CLBA1: variants seen among roughly 807,000 people sequenced by gnomAD.
CLBA1 encodes clathrin binding box of aftiphilin containing 1.
CLBA1 carries 30 observed loss-of-function variants against 28.8 expected under a neutral mutation model. The ratio of observed to expected loss-of-function variants is 1.04; its 90% CI spans 0.78 to 1.41. The LOEUF (loss-of-function observed/expected upper bound fraction) is 1.41. CLBA1 is among the 40% of genes most tolerant of loss of function. The pLI, the probability that CLBA1 is intolerant of heterozygous loss-of-function variation, is 0.00. For synonymous variants in CLBA1, 160 were observed against 152.8 expected (o/e 1.05, Z -0.35); for missense variants, 451 against 412.3 (o/e 1.09, Z -0.81).
downstream of CLBA1, chr14:104,995,531 G>A (rs1023305746): frequency 3.1e-6 from 3 of 983,198 alleles, no homozygotes; most frequent in African/African-American, 3.5e-5. Context: ...GTTGTCACTG[G>A]TTCATCAGCT....
At chr14:104,988,152 G>T (rs917801688) in intron 1 of CLBA1, among the ~76,000 whole-genome samples, 1 of 152,052 alleles carries the variant, frequency 6.6e-6, no homozygotes, top group Admixed American at 6.5e-5. Context: ...GAATACATGA[G>T]ACTCGCACAC....
intron 4 of CLBA1, chr14:104,993,674 G>A: frequency 1.0e-6 from 1 of 985,464 alleles, no homozygotes; most frequent in Non-Finnish European, 1.2e-6. Flanking sequence ...GCTGGAGTCT[G>A]GAGCCCACCC....
In CLBA1 at chr14:104,994,755, G is replaced by A. The variant is rs1416639282; in HGVS notation, c.974G>A (p.Cys325Tyr). 6.3e-7 allele frequency: 1 copy of A among 1,597,416 alleles called. No individual in the cohort carries two copies. ...LKLTLFNSDV[C>Y] ...CTGACACTCTTTAATAGCGACGTTT[G>A]CTAAAATCAGGAGGACTTTGTACCT... The change falls in exon 5 of 5, where the codon TGC becomes TAC. Residue 325 changes from cysteine to tyrosine, a missense_variant. Transcript: ENST00000547315.
At chr14:104,989,560 G>C in intron 2 of CLBA1, 1 of 455,572 alleles carries the variant, frequency 2.2e-6, no homozygotes, top group South Asian at 1.5e-5. Flanking sequence ...GGTGCTCCCG[G>C]TGCTGCCTGC....
chr14:104,989,930 G>A, intron 2 of CLBA1: 2 of 337,906 alleles, frequency 5.9e-6, no homozygotes, highest in Non-Finnish European at 6.0e-6. Flanking sequence ...CTCTGCTGGG[G>A]TCCAACCAGC....
rs149385498 is a variant in CLBA1 at position 104,995,167 on chromosome 14, C to T, written c.*408C>T. 139 of 989,358 alleles carry T rather than the reference C, an allele frequency of 1.4e-4. No individual in the cohort carries two copies. In the African/African-American group the frequency reaches 1.7e-3, roughly 12 times the overall value. 61.3% of individuals were successfully genotyped at this position (989,358 alleles called of 1,614,324 possible). A position where few individuals can be genotyped will look rare whatever the true frequency, so the allele number is the denominator to read the frequency against. On this transcript the variant is annotated 3_prime_UTR_variant, in exon 5 of 5. Coordinates refer to ENST00000547315, the MANE Select transcript of CLBA1 (RefSeq NM_174891.4). Reference sequence around the variant, plus strand: ...AGAGGAAAAGGGGAAGGCACTGAAACGTCACCAGAGAGACAGCTGTTGAGA... The same window carrying T: ...AGAGGAAAAGGGGAAGGCACTGAAATGTCACCAGAGAGACAGCTGTTGAGA...
intron 2 of CLBA1, 173 bp from the exon 3 acceptor site, chr14:104,991,318 C>A: frequency 1.5e-6 from 1 of 656,500 alleles, no homozygotes; most frequent in Non-Finnish European, 2.4e-6. Flanking sequence ...GCCACTGTGC[C>A]CAGCCCGGGA....
Position 104,994,916 on chromosome 14 carries a change from C to T in CLBA1, c.*157C>T, listed in dbSNP as rs1210549455. 4.4e-6 allele frequency: 6 copies of T among 1,368,506 alleles called. No homozygotes were observed. The highest frequency in any genetic ancestry group is 3.0e-5 in the African/African-American group (2 of 66,912). 84.8% of individuals were successfully genotyped at this position (1,368,506 alleles called of 1,614,324 possible). On this transcript the variant is annotated 3_prime_UTR_variant, in exon 5 of 5. Transcript: ENST00000547315. ...CCTGTCCTGTGTTCTGGGCTTGTCT[C>T]GGGTCTGACCAGGAGATGGAGGATG...
rs780589575 is a variant in CLBA1 at position 104,989,612 on chromosome 14, C to T, written c.569+524C>T. ...AGGGGAAAGTGCACCCGCAGTCACTCGCAGATGGCCATTTTCCAGGGACAC... is the reference window on the plus strand; with the variant it reads ...AGGGGAAAGTGCACCCGCAGTCACTTGCAGATGGCCATTTTCCAGGGACAC... On this transcript the variant is annotated intron_variant, in intron 2 of 4. Transcript: ENST00000547315. 4.7e-4 allele frequency: 213 copies of T among 456,004 alleles called. 1 individual carries two copies. The highest frequency in any genetic ancestry group is 6.5e-4 in the South Asian group (42 of 64,564). The allele number at this position is 456,004 out of a possible 1,614,324, so 28.2% of individuals were successfully genotyped here.
chr14:104,991,651 G>T, intron 3 of CLBA1, 31 bp downstream of exon 3: 1 of 1,582,428 alleles, frequency 6.3e-7, no homozygotes, highest in Non-Finnish European at 8.6e-7. Flanking sequence ...CAGGGCTCCT[G>T]GGAGTGTGGT....
At chr14:104,993,640 CA>C (rs1900097715) in intron 4 of CLBA1, 2 of 985,304 alleles carry the variant, frequency 2.0e-6, no homozygotes, top group Non-Finnish European at 2.4e-6. Flanking sequence ...TCTCTTTTAT[CA>C]GGGGGAAGAA....
At chr14:104,991,400 C>T (rs1468458031) in intron 2 of CLBA1, 91 bp from the exon 3 acceptor site, 1 of 1,523,416 alleles carries the variant, frequency 6.6e-7, no homozygotes, top group African/African-American at 1.4e-5. Flanking sequence ...GGGTAAAGGC[C>T]AGGCGCCCCG....
intron 4 of CLBA1, 67 bp downstream of exon 4, chr14:104,993,131 C>T (rs746360340): frequency 2.5e-5 from 39 of 1,556,084 alleles, no homozygotes; most frequent in South Asian, 1.5e-4. Flanking sequence ...TGGAGCCCTC[C>T]GCTTTCTCTG....
downstream of CLBA1, chr14:104,999,200 G>C: frequency 1.0e-6 from 1 of 985,014 alleles, no homozygotes. Context: ...GTGTAAATCT[G>C]TCCTGGCCTT....
Position 104,986,871 on chromosome 14 carries a change from G to A in CLBA1, c.423+17G>A. On this transcript the variant is annotated intron_variant, in intron 1 of 4. Coordinates refer to ENST00000547315, the MANE Select transcript of CLBA1 (RefSeq NM_174891.4). ...CCTTCTGAGGTATTTCTGCTGTGCT[G>A]TGGTCACCATGTTGAGTGGGACGTG... 6.2e-7 allele frequency: 1 copy of A among 1,610,516 alleles called. No homozygotes were observed. The highest frequency in any genetic ancestry group is 8.5e-7 in the Non-Finnish European group (1 of 1,178,494).
At position 104,986,723 on chromosome 14, in the gene CLBA1, C is replaced by T. The variant is rs768677852; in HGVS notation, c.292C>T (p.Leu98Phe). 3 of 1,614,100 alleles carry T rather than the reference C, an allele frequency of 1.9e-6. No homozygotes were observed. The highest frequency in any genetic ancestry group is 3.3e-5 in the Admixed American group (2 of 60,016). ...CAAGTCTGGACAATTCTCACAGTCC[C>T]TTGAACTCCTCGAGGGACCCACAGA... ...SAKSGQFSQS[L>F]ELLEGPTEPQ... Residue 98 changes from leucine (L) to phenylalanine (F), a missense_variant, in exon 1 of 5, where the codon CTT (leucine) becomes TTT (phenylalanine). Physicochemically the swap from Leu to Phe is conservative, Grantham distance 22. Coordinates refer to ENST00000547315, the MANE Select transcript of CLBA1 (RefSeq NM_174891.4).
At position 104,986,397 on chromosome 14, in the gene CLBA1, G is replaced by C. The variant is rs763769675; in HGVS notation, c.-35G>C. The C allele has an allele frequency of 3.1e-6, 5 of 1,600,252 alleles. No homozygotes were observed. The African/African-American group carries it at 6.7e-5, about 21-fold the overall frequency. Reference sequence around the variant, plus strand: ...CGGCGTGCATGTCTCCTGAGCAGCTGCCCATCGGGCCTCTGCTGGCCTGGG... The same window carrying C: ...CGGCGTGCATGTCTCCTGAGCAGCTCCCCATCGGGCCTCTGCTGGCCTGGG... On this transcript the variant is annotated 5_prime_UTR_variant, in exon 1 of 5. Coordinates refer to ENST00000547315, the MANE Select transcript of CLBA1 (RefSeq NM_174891.4).
intron 3 of CLBA1, among the ~76,000 whole-genome samples, chr14:104,992,021 GCCATGCACACGCCGCCACGCACACGCCA>G (rs1407174298): frequency 1.8e-4 from 20 of 112,496 alleles, no homozygotes; most frequent in African/African-American, 6.6e-4. Context: ...ACCACATGCC[GCCATGCACACGCCGCCACGCACACGCCA>G]CCACGCACAC....
chr14:104,991,236 G>T, intron 2 of CLBA1: 1 of 325,412 alleles, frequency 3.1e-6, no homozygotes, highest in African/African-American at 2.2e-5. Context: ...ATGTTGGCCA[G>T]GCAGATCTTG....
Sources: allele counts gnomAD v4.1 joint callset (sites outside exome capture counted in the v4.1 genomes callset), GRCh38; gene constraint gnomAD v4.1.1; transcripts MANE v1.5; gene names NCBI Gene and HGNC (gene_info 2026-07-23, HGNC 2026-07-21).